Variants in GPHN observed in about 807,000 individuals in gnomAD.
The protein encoded by GPHN is gephyrin.
GPHN carries 17 observed loss-of-function variants against 95.5 expected under a neutral mutation model. The observed-to-expected ratio is 0.18, with a 90% CI of 0.12 to 0.27. The LOEUF is 0.27. Ranked by LOEUF, GPHN falls within the 10% of genes least tolerant of loss-of-function variation. The pLI is 1.00. For synonymous variants in GPHN, 320 were observed against 322.5 expected (o/e 0.99, Z 0.08); for missense variants, 660 against 978.1 (o/e 0.67, Z 4.34).
At chr14:66,559,244 G>T (rs1369640105) in intron 1 of GPHN, among the ~76,000 whole-genome samples, 5 of 151,780 alleles carry the variant, frequency 3.3e-5, no homozygotes, top group African/African-American at 9.7e-5. Flanking sequence ...AGTCCTTTGG[G>T]TATATACCCA....
At chr14:67,216,106 A>G in the GPHN span, among the ~76,000 whole-genome samples, 2 of 152,266 alleles carry the variant, frequency 1.3e-5, no homozygotes, top group South Asian at 4.1e-4. Context: ...GGTATCTTCT[A>G]TTAACATCTA....
chr14:67,590,136 A>G, the GPHN span: 6 of 1,551,056 alleles, frequency 3.9e-6, no homozygotes, highest in African/African-American at 6.9e-5. Flanking sequence ...CAGCTCCTGT[A>G]TACTTCAATC....
At chr14:67,609,801 G>C in the GPHN span, among the ~76,000 whole-genome samples, 28 of 152,158 alleles carry the variant, frequency 1.8e-4, no homozygotes, top group Non-Finnish European at 3.7e-4. Context: ...AAGGGGAAGG[G>C]GGTGGGGATC....
the GPHN span, among the ~76,000 whole-genome samples, chr14:67,628,025 C>T: frequency 6.6e-6 from 1 of 152,114 alleles, no homozygotes; most frequent in Non-Finnish European, 1.5e-5. Context: ...AAGACCAAAC[C>T]TGCTTTGGAC....
chr14:66,561,210 GT>G (rs775844574), intron 1 of GPHN, among the ~76,000 whole-genome samples: 154 of 152,098 alleles, frequency 1.0e-3, no homozygotes, highest in Non-Finnish European at 1.8e-3. Flanking sequence ...CTCTTTTTTG[GT>G]TGTGTCTCTG....
chr14:67,073,945 A>G (rs1235089371), intron 11 of GPHN, among the ~76,000 whole-genome samples: 1 of 152,160 alleles, frequency 6.6e-6, no homozygotes, highest in East Asian at 1.9e-4. Context: ...ACCCTAAATG[A>G]TTCAATCTTT....
At chr14:67,243,886 C>G in the GPHN span, among the ~76,000 whole-genome samples, 1 of 152,136 alleles carries the variant, frequency 6.6e-6, no homozygotes, top group Non-Finnish European at 1.5e-5. Context: ...TCTTCATTTT[C>G]CATGAAAAAG....
intron 8 of GPHN, among the ~76,000 whole-genome samples, chr14:66,934,417 C>T (rs1180095561): frequency 2.6e-5 from 4 of 152,200 alleles, no homozygotes; most frequent in Non-Finnish European, 4.4e-5. Flanking sequence ...CTTCCTAGCA[C>T]TGTACCACAT....
the GPHN span, among the ~76,000 whole-genome samples, chr14:67,626,454 A>G: frequency 6.6e-6 from 1 of 152,228 alleles, no homozygotes; most frequent in Non-Finnish European, 1.5e-5. Flanking sequence ...ATGTATAGTT[A>G]CTGTGTCCTC....
intron 21 of GPHN, among the ~76,000 whole-genome samples, chr14:67,174,688 C>G (rs1003574567): frequency 2.6e-5 from 4 of 152,178 alleles, no homozygotes; most frequent in African/African-American, 9.7e-5. Context: ...CTAATTTACA[C>G]TCCCACCAAC....
At chr14:67,191,642 A>G in the GPHN span, among the ~76,000 whole-genome samples, 1 of 152,198 alleles carries the variant, frequency 6.6e-6, no homozygotes, top group African/African-American at 2.4e-5. Flanking sequence ...GTATCTAAGA[A>G]TAGTAGTTCT....
intron 17 of GPHN, among the ~76,000 whole-genome samples, chr14:67,132,803 A>G (rs2079803163): frequency 6.6e-6 from 1 of 151,552 alleles, no homozygotes; most frequent in South Asian, 2.1e-4. Context: ...ATTATCTCCA[A>G]CTAATTCTAA....
chr14:66,649,723 T>C (rs1189465885), intron 1 of GPHN, among the ~76,000 whole-genome samples: 3 of 152,148 alleles, frequency 2.0e-5, no homozygotes, highest in Non-Finnish European at 2.9e-5. Context: ...GAGACCATAG[T>C]AAATCAATTA....
At chr14:66,626,386 C>T (rs1326528237) in intron 1 of GPHN, among the ~76,000 whole-genome samples, 1 of 152,078 alleles carries the variant, frequency 6.6e-6, no homozygotes, top group Non-Finnish European at 1.5e-5. Context: ...CATTCACATT[C>T]ATTTAAGTAA....
intron 2 of GPHN, among the ~76,000 whole-genome samples, chr14:66,757,050 G>GCGGTAATAGGGGAGTGATTA (rs1199264180): frequency 6.6e-6 from 1 of 152,160 alleles, no homozygotes; most frequent in African/African-American, 2.4e-5. Flanking sequence ...AATGCAGTTA[G>GCGGTAATAGGGGAGTGATTA]CGGTAATAGG....
At chr14:67,151,032 A>G (rs1015973406) in intron 18 of GPHN, among the ~76,000 whole-genome samples, 3 of 152,240 alleles carry the variant, frequency 2.0e-5, no homozygotes, top group Admixed American at 6.5e-5. Context: ...AATATTTTAT[A>G]TAAGAACTTA....
At chr14:66,771,726 TC>T (rs1397910468) in intron 2 of GPHN, among the ~76,000 whole-genome samples, 2 of 54,266 alleles carry the variant, frequency 3.7e-5, no homozygotes, top group Admixed American at 5.6e-4. Flanking sequence ...CCCTCCCCCC[TC>T]CCCCCACCCC....
chr14:67,359,063 G>T, the GPHN span, among the ~76,000 whole-genome samples: 1 of 152,302 alleles, frequency 6.6e-6, no homozygotes, highest in East Asian at 1.9e-4. Context: ...CGGTGAGAGA[G>T]CAAAAGCAGT....
the GPHN span, among the ~76,000 whole-genome samples, chr14:67,226,721 C>T: frequency 6.3e-4 from 96 of 152,266 alleles, 3 homozygotes; most frequent in Admixed American, 1.9e-3. Flanking sequence ...AGGTAATGGA[C>T]CAGAGGAGAA....
Sources: gnomAD v4.1 joint callset for allele counts (sites outside exome capture counted in the v4.1 genomes callset) on GRCh38, gnomAD v4.1.1 for gene constraint, MANE v1.5 for transcripts, NCBI Gene and HGNC (gene_info 2026-07-23, HGNC 2026-07-21) for gene names.